The following GTF2F2 variants were observed in gnomAD, a reference collection of about 807,000 sequenced individuals.
GTF2F2 encodes the protein ATP-dependent helicase GTF2F2.
A neutral mutation model predicts 42.2 loss-of-function variants in GTF2F2; 23 were observed. The ratio of observed to expected loss-of-function variants is 0.55; its 90% CI spans 0.39 to 0.77. The LOEUF (loss-of-function observed/expected upper bound fraction) is 0.77. Ranked by LOEUF, GTF2F2 falls within the 30% of genes least tolerant of loss-of-function variation. The probability of loss-of-function intolerance (pLI) is 0.00; values close to 1 mark genes in which losing one functional copy is unlikely to be tolerated. For missense variants in GTF2F2, 261 were observed against 287.2 expected (o/e 0.91, Z 0.66); for synonymous variants, 105 against 100.8 (o/e 1.04, Z -0.25).
At position 45,141,566 on chromosome 13, in the gene GTF2F2, G is replaced by A. The variant is rs1482836307; in HGVS notation, c.140+4760G>A. 2.6e-5 allele frequency among the ~76,000 whole-genome samples: 4 copies of A among 152,134 alleles called. No homozygotes were observed. The South Asian group carries it at 6.2e-4, about 24-fold the overall frequency. On this transcript the variant is annotated intron_variant, in intron 2 of 7. Transcript: ENST00000340473. ...GTAGGGGTAGGGGTGAAGACGGTGG[G>A]TAGTTATTCTATGCATTACTAGGCT...
At chr13:45,212,459 C>CTTTTCTTT (rs55758635) in intron 5 of GTF2F2, among the ~76,000 whole-genome samples, 1,143 of 79,358 alleles carry the variant, frequency 0.014, 74 homozygotes, top group Non-Finnish European at 0.026. Flanking sequence ...TTCTTTCTTT[C>CTTTTCTTT]TTTCTTTCTT....
chr13:45,160,766 GTTT>G (rs59676340), intron 4 of GTF2F2, among the ~76,000 whole-genome samples: 20 of 141,598 alleles, frequency 1.4e-4, no homozygotes, highest in African/African-American at 3.5e-4. Context: ...CCTGTCAGCT[GTTT>G]TTTTTTTTTT....
intron 1 of GTF2F2, among the ~76,000 whole-genome samples, chr13:45,131,310 G>T (rs1354458160): frequency 6.6e-6 from 1 of 152,102 alleles, no homozygotes; most frequent in Non-Finnish European, 1.5e-5. Context: ...TCTAGATGTG[G>T]AGACCAAAAA....
chr13:45,141,975 T>C (rs946702643), intron 2 of GTF2F2, among the ~76,000 whole-genome samples: 1 of 152,232 alleles, frequency 6.6e-6, no homozygotes, highest in African/African-American at 2.4e-5. Context: ...TGTTCTCTCT[T>C]GTATGTAGTT....
chr13:45,133,437 C>T (rs1220261497), intron 1 of GTF2F2, among the ~76,000 whole-genome samples: 1 of 152,132 alleles, frequency 6.6e-6, no homozygotes, highest in African/African-American at 2.4e-5. Context: ...AGCCAGGACA[C>T]AAAGGAATGT....
At chr13:45,121,001 T>G (rs1050106449) in intron 1 of GTF2F2, among the ~76,000 whole-genome samples, 4 of 152,230 alleles carry the variant, frequency 2.6e-5, no homozygotes, top group Non-Finnish European at 5.9e-5. Context: ...GTCCCCAGAT[T>G]TGGACGGTGC....
At chr13:45,155,893 A>C (rs978448525) in intron 4 of GTF2F2, among the ~76,000 whole-genome samples, 1 of 151,932 alleles carries the variant, frequency 6.6e-6, no homozygotes, top group Admixed American at 6.5e-5. Flanking sequence ...TTTACTATTT[A>C]TTGGTAACCA....
At chr13:45,271,471 C>T (rs1264870452) in intron 7 of GTF2F2, among the ~76,000 whole-genome samples, 2 of 151,872 alleles carry the variant, frequency 1.3e-5, no homozygotes, top group African/African-American at 4.8e-5. Flanking sequence ...GCAACCTCCA[C>T]CTCCTAGTTC....
chr13:45,122,792 T>G (rs544292209), intron 1 of GTF2F2, among the ~76,000 whole-genome samples: 3 of 152,344 alleles, frequency 2.0e-5, no homozygotes, highest in South Asian at 4.1e-4. Flanking sequence ...AGTTCTGATC[T>G]TTGTTGCTAA....
At chr13:45,249,801 G>C (rs1171724153) in intron 5 of GTF2F2, among the ~76,000 whole-genome samples, 1 of 151,778 alleles carries the variant, frequency 6.6e-6, no homozygotes, top group African/African-American at 2.4e-5. Flanking sequence ...CCTGAGAGCT[G>C]ATTGCATTAG....
chr13:45,137,467 A>G (rs1231877406), intron 2 of GTF2F2, among the ~76,000 whole-genome samples: 1 of 152,216 alleles, frequency 6.6e-6, no homozygotes, highest in East Asian at 1.9e-4. Context: ...ATAACAAACC[A>G]TCCCAAAACT....
intron 4 of GTF2F2, among the ~76,000 whole-genome samples, chr13:45,165,801 A>G (rs1020034039): frequency 7.1e-6 from 1 of 140,434 alleles, no homozygotes; most frequent in Non-Finnish European, 1.5e-5. Context: ...ATTCTTCAGT[A>G]CATTCTTTTT....
rs781421611 is a variant in GTF2F2, at chr13:45,194,255, G to T, written c.305-13169G>T. On this transcript the variant is annotated intron_variant, in intron 4 of 7. Coordinates refer to ENST00000340473, the MANE Select transcript of GTF2F2 (RefSeq NM_004128.3). Reference sequence around the variant, plus strand: ...TCTTGTGCAAGAAGTTGATTTTCTCGAAACCCTTCGGGCAATAGAAGTTCT... The same window carrying T: ...TCTTGTGCAAGAAGTTGATTTTCTCTAAACCCTTCGGGCAATAGAAGTTCT... 6 of 1,614,050 alleles carry T rather than the reference G, an allele frequency of 3.7e-6. No individual in the cohort carries two copies. In the South Asian group the frequency reaches 6.6e-5, roughly 18 times the overall value.
chr13:45,243,568 T>C (rs1875432145), intron 5 of GTF2F2, among the ~76,000 whole-genome samples: 1 of 152,258 alleles, frequency 6.6e-6, no homozygotes, highest in Admixed American at 6.5e-5. Flanking sequence ...CATCTCTTGA[T>C]TACTTTACAA....
intron 2 of GTF2F2, among the ~76,000 whole-genome samples, chr13:45,144,523 C>T (rs889910892): frequency 4.3e-5 from 6 of 139,172 alleles, no homozygotes. Context: ...TGCAGTGGCG[C>T]GATCTCGGCT....
chr13:45,213,005 G>A (rs1054818831), intron 5 of GTF2F2, among the ~76,000 whole-genome samples: 1 of 151,890 alleles, frequency 6.6e-6, no homozygotes, highest in African/African-American at 2.4e-5. Flanking sequence ...GCCTCCCAAT[G>A]TGCTGGGGTT....
intron 3 of GTF2F2, among the ~76,000 whole-genome samples, chr13:45,150,162 A>G (rs1344600182): frequency 6.6e-6 from 1 of 152,240 alleles, no homozygotes; most frequent in East Asian, 1.9e-4. Context: ...CTTATCACAT[A>G]GTAGAGATGT....
intron 4 of GTF2F2, chr13:45,194,303 C>T (rs1593483400): frequency 6.2e-7 from 1 of 1,614,170 alleles, no homozygotes; most frequent in Non-Finnish European, 8.5e-7. Context: ...AAGTTTAGGA[C>T]ATGCCTGAAG....
At chr13:45,183,391 C>G (rs1157748862) in intron 4 of GTF2F2, among the ~76,000 whole-genome samples, 1 of 152,130 alleles carries the variant, frequency 6.6e-6, no homozygotes, top group Non-Finnish European at 1.5e-5. Flanking sequence ...ACTGTGGCTT[C>G]CATCCTCAGG....
Sources: allele counts gnomAD v4.1 joint callset (sites outside exome capture counted in the v4.1 genomes callset), GRCh38; gene constraint gnomAD v4.1.1; transcripts MANE v1.5; gene names NCBI Gene and HGNC (gene_info 2026-07-23, HGNC 2026-07-21).